BCAS3: variants seen among roughly 807,000 people sequenced by gnomAD.
The protein encoded by BCAS3 is BCAS3 microtubule associated cell migration factor, also known as BCAS4/BCAS3 fusion.
Under a neutral mutation model 116.1 loss-of-function variants are expected in BCAS3, and 53 were observed. That is an observed-to-expected ratio of 0.46 (90% CI 0.37 to 0.57). BCAS3 has a LOEUF of 0.57. Among genes scored for constraint, BCAS3 ranks in the 20% least tolerant of loss-of-function variants. The pLI is 0.00. For missense variants in BCAS3, 917 were observed against 1,165.4 expected (o/e 0.79, Z 3.10); for synonymous variants, 391 against 408.2 (o/e 0.96, Z 0.51).
In BCAS3 at chr17:61,365,040, A is replaced by G. The variant is rs992138568; in HGVS notation, c.2426-3287A>G. Among the ~76,000 whole-genome samples, 4 of 152,214 alleles carry G rather than the reference A, an allele frequency of 2.6e-5. No homozygotes were observed. The highest frequency in any genetic ancestry group is 9.6e-5 in the African/African-American group (4 of 41,452). On this transcript the variant is annotated intron_variant, in intron 22 of 23. Coordinates refer to ENST00000407086, the MANE Select transcript of BCAS3 (RefSeq NM_017679.5). The surrounding 1 kb of genome is among the most constrained non-coding windows in gnomAD (Gnocchi z 4.6). ...ACACTCACTGTGTGTCAGGTCTTTT[A>G]CATTTATCTACTGCAGTCCTCACAA... is the stretch of plus-strand genomic sequence containing the variant.
At chr17:60,836,425 G>T (rs1008259655) in intron 7 of BCAS3, among the ~76,000 whole-genome samples, 2 of 152,098 alleles carry the variant, frequency 1.3e-5, no homozygotes, top group African/African-American at 2.4e-5. Context: ...TTATACGGTA[G>T]TTCTTTTTAG....
At chr17:61,107,483 C>T (rs2143705019) in intron 22 of BCAS3, among the ~76,000 whole-genome samples, 1 of 152,286 alleles carries the variant, frequency 6.6e-6, no homozygotes, top group Non-Finnish European at 1.5e-5. Context: ...CTCATTTCTT[C>T]CTGCTCCATT....
Position 61,285,418 on chromosome 17 carries a change from AC to A in BCAS3, c.2426-82908del, listed in dbSNP as rs35240746. The stretch of plus-strand genomic sequence containing the variant: ...TGCAGATTTTCAACAGGTGTCAGTT[AC>A]ACTTTACCTGGCCCTAAAGTGAAAA... On this transcript the variant is annotated intron_variant, in intron 22 of 23. Transcript: ENST00000407086. The surrounding 1 kb of genome is among the most constrained non-coding windows in gnomAD (Gnocchi z 5.4). 0.04 allele frequency among the ~76,000 whole-genome samples: 6,081 copies of A among 152,216 alleles called. 156 individuals carry two copies. The highest frequency in any genetic ancestry group is 0.051 in the East Asian group (266 of 5,186).
intron 22 of BCAS3, among the ~76,000 whole-genome samples, chr17:61,299,450 A>C (rs1480621400): frequency 1.3e-5 from 2 of 149,324 alleles, no homozygotes; most frequent in Non-Finnish European, 3.0e-5. Flanking sequence ...CTCAAAAAAA[A>C]AAAAAAAAAA....
At chr17:61,335,826 C>T (rs2143170098) in intron 22 of BCAS3, among the ~76,000 whole-genome samples, 1 of 152,374 alleles carries the variant, frequency 6.6e-6, no homozygotes, top group South Asian at 2.1e-4. Flanking sequence ...ATTTTCTTCT[C>T]AGAAATCTAT....
At position 60,890,196 on chromosome 17, in the gene BCAS3, G is replaced by A. The variant is rs145331827; in HGVS notation, c.738+425G>A. ...AGGCTAGGCGTGATGGCTCACGCCT[G>A]TAATCCCAGCACTTTGGGAGGCTGA... On this transcript the variant is annotated intron_variant, in intron 10 of 23. Transcript: ENST00000407086. Among the ~76,000 whole-genome samples, 959 of 152,344 alleles carry A rather than the reference G, an allele frequency of 6.3e-3. 3 individuals are homozygous for A. Among genetic ancestry groups the A allele is most frequent in the Non-Finnish European group, 8.5e-3 (580 of 68,032 alleles).
chr17:61,108,536 C>G (rs1229702387), intron 22 of BCAS3, among the ~76,000 whole-genome samples: 2 of 143,276 alleles, frequency 1.4e-5, no homozygotes, highest in Admixed American at 1.4e-4. Flanking sequence ...TTTGGTTTTT[C>G]TTTTTTGCCT....
chr17:60,945,756 G>A (rs548889612), intron 13 of BCAS3, among the ~76,000 whole-genome samples: 5 of 151,714 alleles, frequency 3.3e-5, no homozygotes, highest in Non-Finnish European at 7.4e-5. Context: ...AGCCAAGAAT[G>A]CACTACTGCA....
At position 61,019,248 on chromosome 17, in the gene BCAS3, A is replaced by G. The variant is rs1014239934; in HGVS notation, c.1637+3347A>G. On this transcript the variant is annotated intron_variant, in intron 16 of 23. Transcript: ENST00000407086. The surrounding 1 kb of genome is among the most constrained non-coding windows in gnomAD (Gnocchi z 5.6). ...AAGAGTGCAAACCCTATTGTTGTGA[A>G]CTACACATGTGAGGGACCTAGGTTG... 1.3e-5 allele frequency among the ~76,000 whole-genome samples: 2 copies of G among 152,170 alleles called. No individual in the cohort carries two copies. The highest frequency in any genetic ancestry group is 4.8e-5 in the African/African-American group (2 of 41,436).
rs1047743828 is a variant in BCAS3 at position 60,841,404 on chromosome 17, G to A, written c.477-27172G>A. ...ACTTTTTTTTTTTTTTTTTGAGACC[G>A]AGTCTCGCTCTGTCACTCAGGCTGG... is the stretch of plus-strand genomic sequence containing the variant. On this transcript the variant is annotated intron_variant, in intron 7 of 23. Coordinates refer to ENST00000407086, the MANE Select transcript of BCAS3 (RefSeq NM_017679.5). Among the ~76,000 whole-genome samples, 8 of 144,560 alleles carry A rather than the reference G, an allele frequency of 5.5e-5. No homozygotes were observed. The East Asian group carries it at 6.0e-4, about 11-fold the overall frequency. 94.8% of individuals were successfully genotyped at this position (144,560 alleles called of 152,430 possible).
chr17:61,283,336 A>T (rs1033945915), intron 22 of BCAS3, among the ~76,000 whole-genome samples: 2 of 152,204 alleles, frequency 1.3e-5, no homozygotes, highest in African/African-American at 4.8e-5. Flanking sequence ...TGTTACGTTT[A>T]GCTCATTCTC....
In BCAS3 at chr17:61,276,009, C is replaced by T. The variant is rs1355036760; in HGVS notation, c.2426-92318C>T. On this transcript the variant is annotated intron_variant, in intron 22 of 23. Transcript: ENST00000407086. This position sits in a 1 kb window ranked among gnomAD's most constrained non-coding sequence, Gnocchi z 4.2. Reference sequence around the variant, plus strand: ...AGCCTTAGGTATAAAACCTTATAAACGGCAACCTATTTTGCAAGGTTGTAG... The same window carrying T: ...AGCCTTAGGTATAAAACCTTATAAATGGCAACCTATTTTGCAAGGTTGTAG... Among the ~76,000 whole-genome samples, 7 of 152,192 alleles carry T rather than the reference C, an allele frequency of 4.6e-5. No individual in the cohort carries two copies. The East Asian group carries it at 5.8e-4, about 13-fold the overall frequency.
intron 22 of BCAS3, among the ~76,000 whole-genome samples, chr17:61,289,874 A>G (rs1255299082): frequency 6.6e-6 from 1 of 152,190 alleles, no homozygotes; most frequent in Non-Finnish European, 1.5e-5. Context: ...AAGCGAAGAG[A>G]GGTATAAAGG....
chr17:61,015,449 CAGCTAATT>C (rs2065389641), intron 15 of BCAS3, among the ~76,000 whole-genome samples: 1 of 152,044 alleles, frequency 6.6e-6, no homozygotes, highest in African/African-American at 2.4e-5. Context: ...CCACAATACT[CAGCTAATT>C]TTTGATATTT....
At chr17:60,937,416 A>G (rs1371034665) in intron 13 of BCAS3, among the ~76,000 whole-genome samples, 2 of 151,774 alleles carry the variant, frequency 1.3e-5, no homozygotes, top group Non-Finnish European at 2.9e-5. Flanking sequence ...TCTTGTCCTC[A>G]CATTTATTTT....
At chr17:61,289,634 G>A (rs761634661) in intron 22 of BCAS3, among the ~76,000 whole-genome samples, 13 of 152,172 alleles carry the variant, frequency 8.5e-5, no homozygotes, top group Non-Finnish European at 1.0e-4. Flanking sequence ...TAGAGACCCC[G>A]TTCTTGCCGA....
chr17:61,185,710 G>A (rs1293897432), intron 22 of BCAS3, among the ~76,000 whole-genome samples: 2 of 152,010 alleles, frequency 1.3e-5, no homozygotes, highest in Admixed American at 6.5e-5. Context: ...AGTGTAAAAC[G>A]AATCAATTAA....
intron 6 of BCAS3, among the ~76,000 whole-genome samples, chr17:60,768,485 G>A (rs1242240223): frequency 6.6e-6 from 1 of 152,154 alleles, no homozygotes; most frequent in Non-Finnish European, 1.5e-5. Context: ...TCGAACATCG[G>A]ACTCCAGGTT....
rs1555807771 is a variant in BCAS3, at chr17:61,285,259, T to TGTGTGTGTGTGTG, written c.2426-83068_2426-83067insGTGTGTGTGTGTG. On this transcript the variant is annotated intron_variant, in intron 22 of 23. Coordinates refer to ENST00000407086, the MANE Select transcript of BCAS3 (RefSeq NM_017679.5). This position sits in a 1 kb window ranked among gnomAD's most constrained non-coding sequence, Gnocchi z 5.4. ...TGTGTGTGTGTGTGTGTGTGTGTGTTTCTTGCTAAAATGCAGCAAAGGAAG... is the reference window on the plus strand; with the variant it reads ...TGTGTGTGTGTGTGTGTGTGTGTGTTGTGTGTGTGTGTGTCTTGCTAAAATGCAGCAAAGGAAG... 1.9e-4 allele frequency among the ~76,000 whole-genome samples: 25 copies of TGTGTGTGTGTGTG among 129,090 alleles called. No homozygotes were observed. Among genetic ancestry groups the TGTGTGTGTGTGTG allele is most frequent in the African/African-American group, 8.7e-4 (25 of 28,858 alleles). The allele number at this position is 129,090 out of a possible 152,430, so 84.7% of individuals were successfully genotyped here.
Sources: allele counts gnomAD v4.1 joint callset (sites outside exome capture counted in the v4.1 genomes callset), GRCh38; gene constraint gnomAD v4.1.1; non-coding constraint Gnocchi (gnomAD v3.1); transcripts MANE v1.5; gene names NCBI Gene and HGNC (gene_info 2026-07-23, HGNC 2026-07-21).